The following RUFY3 variants were observed in gnomAD, a reference collection of about 807,000 sequenced individuals.
The protein encoded by RUFY3 is RUN and FYVE domain containing 3.
Under a neutral mutation model 84.0 loss-of-function variants are expected in RUFY3, and 34 were observed. The observed-to-expected ratio is 0.40, with a 90% CI of 0.31 to 0.54. The LOEUF (loss-of-function observed/expected upper bound fraction) is 0.54. RUFY3 is among the 20% of genes least tolerant of loss of function. The pLI, the probability that RUFY3 is intolerant of heterozygous loss-of-function variation, is 0.39. For missense variants in RUFY3, 507 were observed against 736.8 expected (o/e 0.69, Z 3.61); for synonymous variants, 242 against 252.9 (o/e 0.96, Z 0.41).
intron 1 of RUFY3, among the ~76,000 whole-genome samples, chr4:70,708,780 C>A (rs1035604939): frequency 6.6e-6 from 1 of 152,074 alleles, no homozygotes; most frequent in Non-Finnish European, 1.5e-5. Flanking sequence ...AACGGTGGCT[C>A]AAGCCTGCAA....
chr4:70,743,107 C>T (rs988573681), intron 1 of RUFY3, among the ~76,000 whole-genome samples: 3 of 152,108 alleles, frequency 2.0e-5, no homozygotes, highest in African/African-American at 7.2e-5. Context: ...CTCACTCCAT[C>T]GTCCAGGCTG....
rs532926099 is a variant in RUFY3, at chr4:70,747,926, C to T, written c.179-14593C>T. ...AAACCAAGTTTATTTTGCCCTTTAT[C>T]TCCATAACAGTTACTCAACTTTTTC... On this transcript the variant is annotated intron_variant, in intron 1 of 17. Transcript: ENST00000381006. 2.6e-5 allele frequency among the ~76,000 whole-genome samples: 4 copies of T among 152,250 alleles called. No individual in the cohort carries two copies. In the South Asian group the frequency reaches 8.3e-4, roughly 32 times the overall value.
chr4:70,739,353 A>T (rs1040683305), intron 1 of RUFY3, among the ~76,000 whole-genome samples: 3 of 152,134 alleles, frequency 2.0e-5, no homozygotes, highest in Admixed American at 2.0e-4. Flanking sequence ...TTGAATAATT[A>T]CGGCAAATAT....
At chr4:70,744,062 G>C (rs2148654548) in intron 1 of RUFY3, among the ~76,000 whole-genome samples, 1 of 152,280 alleles carries the variant, frequency 6.6e-6, no homozygotes, top group South Asian at 2.1e-4. Context: ...CCTCATTTCA[G>C]ACTCAGAAAA....
chr4:70,775,009 A>G (rs1455400918), intron 6 of RUFY3, among the ~76,000 whole-genome samples, 159 bp from the exon 7 acceptor site: 1 of 145,560 alleles, frequency 6.9e-6, no homozygotes, highest in Non-Finnish European at 1.5e-5. Flanking sequence ...TCTTGTTGCT[A>G]TGTCAAGAGG....
chr4:70,791,629 T>C, intron 12 of RUFY3: 1 of 1,079,236 alleles, frequency 9.3e-7, no homozygotes, highest in Non-Finnish European at 1.1e-6. Flanking sequence ...ATACTAATGA[T>C]GCCTTTACAA....
intron 12 of RUFY3, 177 bp downstream of exon 12, chr4:70,789,769 G>T: frequency 8.2e-7 from 1 of 1,218,628 alleles, no homozygotes; most frequent in Non-Finnish European, 1.0e-6. Flanking sequence ...TGACTGAAAT[G>T]TTTTTAGGAA....
intron 1 of RUFY3, among the ~76,000 whole-genome samples, chr4:70,727,657 G>C (rs1329486784): frequency 6.6e-6 from 1 of 151,092 alleles, no homozygotes; most frequent in Non-Finnish European, 1.5e-5. Flanking sequence ...CGTGGTGGCG[G>C]GTGCCTGTAA....
intron 1 of RUFY3, among the ~76,000 whole-genome samples, chr4:70,726,024 A>G (rs1314040112): frequency 1.3e-5 from 2 of 152,246 alleles, no homozygotes; most frequent in Non-Finnish European, 2.9e-5. Context: ...TGTGTTTGGA[A>G]TGATCACTCT....
intron 5 of RUFY3, among the ~76,000 whole-genome samples, chr4:70,772,174 G>A (rs909001295): frequency 6.6e-6 from 1 of 151,086 alleles, no homozygotes; most frequent in Admixed American, 6.6e-5. Flanking sequence ...AGGTGGACTC[G>A]CACAATTCAA....
intron 1 of RUFY3, among the ~76,000 whole-genome samples, chr4:70,742,495 C>G (rs1282509020): frequency 1.3e-5 from 2 of 152,162 alleles, no homozygotes; most frequent in Non-Finnish European, 2.9e-5. Context: ...ATACCCTTCC[C>G]CCTCCGCCTG....
chr4:70,750,440 A>G (rs1027868556), intron 1 of RUFY3, among the ~76,000 whole-genome samples: 1 of 152,188 alleles, frequency 6.6e-6, no homozygotes, highest in East Asian at 1.9e-4. Context: ...ATGTCTTTTT[A>G]TAGTTGGTTT....
At chr4:70,705,507 T>TACCTCCGCGTCTCCC (rs545597584) in intron 1 of RUFY3, among the ~76,000 whole-genome samples, 1,636 of 152,184 alleles carry the variant, frequency 0.011, 26 homozygotes, top group African/African-American at 0.036. Flanking sequence ...CGCCGGATTC[T>TACCTCCGCGTCTCCC]ACCTCCGCGT....
intron 1 of RUFY3, among the ~76,000 whole-genome samples, chr4:70,742,934 A>G (rs899392047): frequency 1.3e-5 from 2 of 152,210 alleles, no homozygotes; most frequent in East Asian, 1.9e-4. Flanking sequence ...AACTGATTAC[A>G]TATAGTTCAG....
In RUFY3 at chr4:70,754,897, C is replaced by CT. The variant is rs201053841; in HGVS notation, c.179-7610dup. Among the ~76,000 whole-genome samples the CT allele has an allele frequency of 5.2e-3, 746 of 144,006 alleles. 5 individuals carry two copies. Among genetic ancestry groups the CT allele is most frequent in the African/African-American group, 0.016 (643 of 39,460 alleles). 94.5% of individuals were successfully genotyped at this position (144,006 alleles called of 152,430 possible). A position where few individuals can be genotyped will look rare whatever the true frequency, so the allele number is the denominator to read the frequency against. On this transcript the variant is annotated intron_variant, in intron 1 of 17. Transcript: ENST00000381006. ...TGTTGTTTTTAATCTCATATTAAAGCTTTTTTTTTTTTCTTTTTTTCTTGA... is the reference window on the plus strand; with the variant it reads ...TGTTGTTTTTAATCTCATATTAAAGCTTTTTTTTTTTTTCTTTTTTTCTTGA...
chr4:70,705,744 T>C (rs542607309), intron 1 of RUFY3, among the ~76,000 whole-genome samples: 1 of 152,244 alleles, frequency 6.6e-6, no homozygotes, highest in East Asian at 1.9e-4. Context: ...TGACCCGCCT[T>C]TTTCGGGCTC....
chr4:70,718,775 T>TG (rs1006930031), upstream of RUFY3, among the ~76,000 whole-genome samples: 63 of 152,072 alleles, frequency 4.1e-4, 1 homozygote, highest in Admixed American at 1.3e-4. Flanking sequence ...TGGAGTGCAG[T>TG]GGTGCAATCT....
chr4:70,780,504 G>C (rs1235673634), intron 8 of RUFY3, among the ~76,000 whole-genome samples: 1 of 152,092 alleles, frequency 6.6e-6, no homozygotes, highest in African/African-American at 2.4e-5. Flanking sequence ...GGTTGGCCAG[G>C]CTGGTCTTGA....
chr4:70,782,168 A>G (rs936483770), intron 8 of RUFY3, among the ~76,000 whole-genome samples: 15 of 152,144 alleles, frequency 9.9e-5, no homozygotes, highest in African/African-American at 3.4e-4. Flanking sequence ...CATTTTAGAA[A>G]TAGACATTAT....
Sources: allele counts gnomAD v4.1 joint callset (sites outside exome capture counted in the v4.1 genomes callset), GRCh38; gene constraint gnomAD v4.1.1; transcripts MANE v1.5; gene names NCBI Gene and HGNC (gene_info 2026-07-23, HGNC 2026-07-21).